CALCRL: variants seen among roughly 807,000 people sequenced by gnomAD.
CALCRL encodes calcitonin gene-related peptide type 1 receptor.
A neutral mutation model predicts 60.4 loss-of-function variants in CALCRL; 27 were observed. The observed-to-expected ratio is 0.45, with a 90% CI of 0.33 to 0.62. CALCRL has a LOEUF of 0.62. Ranked by LOEUF, CALCRL falls within the 20% of genes least tolerant of loss-of-function variation. CALCRL has a pLI of 0.03. For missense variants in CALCRL, 424 were observed against 540.7 expected, an observed-to-expected ratio of 0.78 and a Z score of 2.14; for synonymous variants, 190 against 182.6, an observed-to-expected ratio of 1.04 and a Z score of -0.33.
At chr2:187,365,537 T>C (rs1308125402) in intron 8 of CALCRL, among the ~76,000 whole-genome samples, 2 of 152,208 alleles carry the variant, frequency 1.3e-5, no homozygotes, top group African/African-American at 4.8e-5. Context: ...TGAGCACACA[T>C]ATATCTAAGT....
At chr2:187,440,682 T>C (rs1020253689) in intron 1 of CALCRL, among the ~76,000 whole-genome samples, 2 of 152,134 alleles carry the variant, frequency 1.3e-5, no homozygotes, top group African/African-American at 4.8e-5. Flanking sequence ...GCTTGTGTTA[T>C]ATCTAAACTC....
intron 1 of CALCRL, among the ~76,000 whole-genome samples, chr2:187,390,191 T>C (rs1318454774): frequency 1.3e-5 from 2 of 152,152 alleles, no homozygotes; most frequent in Admixed American, 6.5e-5. Flanking sequence ...ACTTAGATGT[T>C]AAATAAACAG....
intron 1 of CALCRL, among the ~76,000 whole-genome samples, chr2:187,441,742 A>G (rs1690914971): frequency 6.6e-6 from 1 of 152,042 alleles, no homozygotes; most frequent in African/African-American, 2.4e-5. Flanking sequence ...TTGTTTAGAA[A>G]AAGAGCAATT....
At position 187,346,031 on chromosome 2, in the gene CALCRL, C is replaced by G. The variant is rs1436814571; in HGVS notation, c.*153G>C. The G allele has an allele frequency of 7.2e-6, 4 of 554,278 alleles. No individual in the cohort carries two copies. The highest frequency in any genetic ancestry group is 1.3e-5 in the Non-Finnish European group (4 of 312,530). The allele number at this position is 554,278 out of a possible 1,614,324, so 34.3% of individuals were successfully genotyped here. On this transcript the variant is annotated 3_prime_UTR_variant, in exon 15 of 15. Transcript: ENST00000392370. ...TTCCCACATAGAGCTGGATGTTACACTCTTATCAACACACTACTAATTTCA... is the reference window on the plus strand; with the variant it reads ...TTCCCACATAGAGCTGGATGTTACAGTCTTATCAACACACTACTAATTTCA...
intron 1 of CALCRL, among the ~76,000 whole-genome samples, chr2:187,392,759 A>C: frequency 6.6e-6 from 1 of 152,074 alleles, no homozygotes; most frequent in Admixed American, 6.6e-5. Context: ...GCTGAAGTGC[A>C]GTGGTACAAT....
rs2105675837 is a variant in CALCRL at position 187,345,382 on chromosome 2, A to G, written c.*802T>C. On this transcript the variant is annotated 3_prime_UTR_variant, in exon 15 of 15. Transcript: ENST00000392370. ...AGTAGAAATGGAAGGGACAAAATTT[A>G]TATTTACAGCTAGGAATTCCCTCCC... The G allele has an allele frequency of 6.6e-6, 1 of 152,398 alleles. No individual in the cohort carries two copies. Among genetic ancestry groups the G allele is most frequent in the South Asian group, 2.1e-4 (1 of 4,822 alleles). 9.4% of individuals were successfully genotyped at this position (152,398 alleles called of 1,614,324 possible). A position where few individuals can be genotyped will look rare whatever the true frequency, so the allele number is the denominator to read the frequency against.
chr2:187,371,621 A>G (rs1687522840), intron 8 of CALCRL, among the ~76,000 whole-genome samples: 1 of 152,082 alleles, frequency 6.6e-6, no homozygotes. Context: ...TTTAAAGATT[A>G]ATCATGTGGG....
intron 6 of CALCRL, 27 bp downstream of exon 6, chr2:187,380,650 G>C: frequency 1.9e-6 from 3 of 1,581,152 alleles, no homozygotes; most frequent in Non-Finnish European, 2.6e-6. Context: ...ATGTCAAGGA[G>C]ATATGTAGAT....
At chr2:187,379,162 A>G in intron 7 of CALCRL, 131 bp from the exon 8 acceptor site, 1 of 522,196 alleles carries the variant, frequency 1.9e-6, no homozygotes, top group Non-Finnish European at 3.4e-6. Flanking sequence ...ATAGCCTTAC[A>G]ATGATGAGTT....
At chr2:187,380,611 A>C (rs1224753507) in intron 6 of CALCRL, 32 bp from the exon 7 acceptor site, 1 of 1,593,480 alleles carries the variant, frequency 6.3e-7, no homozygotes. Context: ...GAAAACAGGA[A>C]TTTAATTAAC....
Position 187,383,035 on chromosome 2 carries a change from A to G in CALCRL, c.184+138T>C, listed in dbSNP as rs913558082. The G allele has an allele frequency of 2.5e-5, 19 of 766,050 alleles. No individual in the cohort carries two copies. The Admixed American group carries it at 4.5e-4, about 18-fold the overall frequency. 47.5% of individuals were successfully genotyped at this position (766,050 alleles called of 1,614,324 possible). A position where few individuals can be genotyped will look rare whatever the true frequency, so the allele number is the denominator to read the frequency against. On this transcript the variant is annotated intron_variant, in intron 5 of 14. Transcript: ENST00000392370. ...TGATGTCATAAAATGTTCTTCAAAC[A>G]TAATTAAAACTGCACATATACAAAA... is the stretch of plus-strand genomic sequence containing the variant.
At chr2:187,388,701 C>A (rs73981207) in intron 1 of CALCRL, among the ~76,000 whole-genome samples, 2,882 of 152,112 alleles carry the variant, frequency 0.019, 89 homozygotes, top group African/African-American at 0.065. Flanking sequence ...TATACAAAAT[C>A]ACTTCTATAT....
In CALCRL at chr2:187,387,450, T is replaced by A. The variant is rs1409595782; in HGVS notation, c.-158A>T. 4.2e-6 allele frequency: 1 copy of A among 238,602 alleles called. No individual in the cohort carries two copies. The highest frequency in any genetic ancestry group is 7.9e-6 in the Non-Finnish European group (1 of 126,130). 14.8% of individuals were successfully genotyped at this position (238,602 alleles called of 1,614,324 possible). On this transcript the variant is annotated 5_prime_UTR_variant, in exon 3 of 15. Coordinates refer to ENST00000392370, the MANE Select transcript of CALCRL (RefSeq NM_005795.6). ...TTTTTAGTGGTAGCAATCTTTCAAA[T>A]ATTGTTTTCTATAGGCTAGTATGGG...
Position 187,448,166 on chromosome 2 carries a change from T to G in CALCRL, c.-420A>C, listed in dbSNP as rs1475494407. 6.6e-6 allele frequency: 1 copy of G among 151,986 alleles called. No homozygotes were observed. Among genetic ancestry groups the G allele is most frequent in the African/African-American group, 2.4e-5 (1 of 41,392 alleles). The allele number at this position is 151,986 out of a possible 1,614,324, so 9.4% of individuals were successfully genotyped here. A position where few individuals can be genotyped will look rare whatever the true frequency, so the allele number is the denominator to read the frequency against. On this transcript the variant is annotated 5_prime_UTR_variant, in exon 1 of 15. Transcript: ENST00000392370. ...GAGTGAAAGCTTTGCAATGTGATCC[T>G]GCAATTAGGATGAGATTCAGTTAGC...
At chr2:187,351,492 T>C (rs1686530054) in intron 14 of CALCRL, among the ~76,000 whole-genome samples, 1 of 151,772 alleles carries the variant, frequency 6.6e-6, no homozygotes, top group Non-Finnish European at 1.5e-5. Flanking sequence ...GTATTTGCCA[T>C]AAAGTTGTTT....
rs1223551513 is a variant in CALCRL, at chr2:187,417,732, C to G, written c.-292-29976G>C. ...TCAGGGAAGACAAAAGGTCTAAATA[C>G]TTTTCTCTTCAATATTTTGTTTTAT... On this transcript the variant is annotated intron_variant, in intron 1 of 14. Transcript: ENST00000392370. Among the ~76,000 whole-genome samples, 5 of 151,884 alleles carry G rather than the reference C, an allele frequency of 3.3e-5. No individual in the cohort carries two copies. In the East Asian group the frequency reaches 9.6e-4, roughly 29 times the overall value.
intron 1 of CALCRL, among the ~76,000 whole-genome samples, chr2:187,427,133 G>A (rs887929368): frequency 1.3e-5 from 2 of 152,062 alleles, no homozygotes; most frequent in South Asian, 2.1e-4. Flanking sequence ...AGGTAAAAGA[G>A]GAAAAGGAAG....
chr2:187,373,261 A>G (rs1237404670), intron 8 of CALCRL, among the ~76,000 whole-genome samples: 1 of 152,192 alleles, frequency 6.6e-6, no homozygotes, highest in African/African-American at 2.4e-5. Context: ...CGTTAATTCT[A>G]GTGGCATATC....
chr2:187,415,682 T>C, intron 1 of CALCRL: 1 of 607,576 alleles, frequency 1.6e-6, no homozygotes, highest in Non-Finnish European at 3.1e-6. Flanking sequence ...GAGCACCAGG[T>C]TGTCTCCTCC....
Sources: gnomAD v4.1 joint callset for allele counts (sites outside exome capture counted in the v4.1 genomes callset) on GRCh38, gnomAD v4.1.1 for gene constraint, MANE v1.5 for transcripts, NCBI Gene and HGNC (gene_info 2026-07-23, HGNC 2026-07-21) for gene names.